The following ZNF195 variants were observed in gnomAD, a reference collection of about 807,000 sequenced individuals.
ZNF195 encodes hypoxia-regulated factor-1.
In ZNF195, 11 loss-of-function variants were observed where a neutral mutation model predicts 19.5. That is an observed-to-expected ratio of 0.57 (90% CI 0.36 to 0.94). ZNF195 has a LOEUF of 0.94. ZNF195 is among the 40% of genes least tolerant of loss of function. The pLI is 0.01. For missense variants in ZNF195, 582 were observed against 709.0 expected, an observed-to-expected ratio of 0.82 and a Z score of 2.03; for synonymous variants, 214 against 248.1, an observed-to-expected ratio of 0.86 and a Z score of 1.29.
intron 1 of ZNF195, chr11:3,373,561 C>T (rs1271469551): frequency 6.5e-7 from 1 of 1,544,242 alleles, no homozygotes; most frequent in Admixed American, 2.0e-5. Flanking sequence ...CAACCCCTGA[C>T]CTGAGATGCA....
At chr11:3,373,769 TC>T (rs879840272) in intron 1 of ZNF195, 16 of 766,022 alleles carry the variant, frequency 2.1e-5, no homozygotes, top group Non-Finnish European at 3.3e-5. Context: ...GCTTTTCTGT[TC>T]TTTATAAAAG....
chr11:3,369,863 G>T (rs953208534), intron 3 of ZNF195, among the ~76,000 whole-genome samples: 9 of 152,240 alleles, frequency 5.9e-5, no homozygotes, highest in Admixed American at 5.9e-4. Flanking sequence ...GCCAACGGTA[G>T]ACATTAACTG....
intron 3 of ZNF195, 151 bp downstream of exon 3, chr11:3,370,824 G>C: frequency 1.6e-6 from 1 of 637,426 alleles, no homozygotes; most frequent in South Asian, 2.4e-5. Flanking sequence ...GACAGAAGAC[G>C]CTCCTAGGGT....
At chr11:3,376,693 G>T (rs908678841) in intron 1 of ZNF195, among the ~76,000 whole-genome samples, 1 of 152,198 alleles carries the variant, frequency 6.6e-6, no homozygotes, top group Non-Finnish European at 1.5e-5. Flanking sequence ...TTCAGACAAT[G>T]AACTTGTCAT....
chr11:3,365,109 A>G (rs1848809165), intron 3 of ZNF195, among the ~76,000 whole-genome samples: 1 of 152,218 alleles, frequency 6.6e-6, no homozygotes, highest in Non-Finnish European at 1.5e-5. Context: ...GTAACTGTTT[A>G]TCTGTCTATA....
chr11:3,376,505 T>A lies in ZNF195; in HGVS notation c.3+2533A>T, dbSNP rs1258596412. Among the ~76,000 whole-genome samples, 8 of 152,242 alleles carry A rather than the reference T, an allele frequency of 5.3e-5. No individual in the cohort carries two copies. In the South Asian group the frequency reaches 1.7e-3, roughly 32 times the overall value. On this transcript the variant is annotated intron_variant, in intron 1 of 5. Transcript: ENST00000399602. Reference sequence around the variant, plus strand: ...TGCAGACTCAGTATTAGCCTTAGCTTGGAATGACTGTTCTTGGGCTTCAAC... The same window carrying A: ...TGCAGACTCAGTATTAGCCTTAGCTAGGAATGACTGTTCTTGGGCTTCAAC...
chr11:3,361,902 CA>C lies in ZNF195; in HGVS notation c.227-14del. On this transcript the variant is annotated splice_polypyrimidine_tract_variant and intron_variant, in intron 3 of 5. Coordinates refer to ENST00000399602, the MANE Select transcript of ZNF195 (RefSeq NM_001130520.3). ...TGAAATCCCATCTCTACAGAAAATA[CA>C]AAAAAATTAGCTGTGTATGCTGTTG... The C allele has an allele frequency of 1.4e-5, 6 of 420,326 alleles. No homozygotes were observed. The highest frequency in any genetic ancestry group is 1.9e-5 in the Non-Finnish European group (4 of 212,692). 26.0% of individuals were successfully genotyped at this position (420,326 alleles called of 1,614,324 possible). A position where few individuals can be genotyped will look rare whatever the true frequency, so the allele number is the denominator to read the frequency against.
At chr11:3,366,263 C>CAAAAA (rs35338297) in intron 3 of ZNF195, among the ~76,000 whole-genome samples, 4 of 88,976 alleles carry the variant, frequency 4.5e-5, no homozygotes, top group East Asian at 3.5e-4. Flanking sequence ...GACTCCATCT[C>CAAAAA]AAAAAAAAAA....
intron 4 of ZNF195, 115 bp downstream of exon 4, chr11:3,361,628 A>G: frequency 1.6e-6 from 1 of 611,712 alleles, no homozygotes; most frequent in South Asian, 2.0e-5. Flanking sequence ...CACATCAACT[A>G]GTATAAACAA....
At chr11:3,371,147 T>G in intron 2 of ZNF195, 77 bp from the exon 3 acceptor site, 4 of 1,335,066 alleles carry the variant, frequency 3.0e-6, no homozygotes, top group Middle Eastern at 1.9e-4. Flanking sequence ...CTTAGTAGAG[T>G]GAACATTATA....
At position 3,360,539 on chromosome 11, in the gene ZNF195, G is replaced by T. The variant is rs900626180; in HGVS notation, c.469C>A (p.Leu157Ile). 6.4e-7 allele frequency: 1 copy of T among 1,574,510 alleles called. No homozygotes were observed. Among genetic ancestry groups the T allele is most frequent in the Non-Finnish European group, 8.6e-7 (1 of 1,167,312 alleles). ...LAMSSHFTQD[L>I]LPEQGIQDAF... ...TCTTGTATGCCCTGCTCTGGCAGAA[G>T]GTCTTGGGTAAAATGAGAAGACATA... The change falls in exon 6 of 6, where the codon CTT (leucine) becomes ATT (isoleucine). Residue 157 changes from leucine to isoleucine, a missense_variant. By Grantham distance (5) the Leu-to-Ile change is conservative. Coordinates refer to ENST00000399602, the MANE Select transcript of ZNF195 (RefSeq NM_001130520.3).
rs1283517203 is a variant in ZNF195, at chr11:3,359,711, T to C, written c.1297A>G (p.Thr433Ala). 6.2e-7 allele frequency: 1 copy of C among 1,614,174 alleles called. No individual in the cohort carries two copies. Among genetic ancestry groups the C allele is most frequent in the Non-Finnish European group, 8.5e-7 (1 of 1,179,960 alleles). The stretch of plus-strand genomic sequence containing the variant: ...TCACATTTGTATGGTTTCTCACCAG[T>C]GTGAATTCTCTTATGTTTAGTAAGG... The part of the protein sequence containing the change: ...SDLTKHKRIH[T>A]GEKPYKCDEC... Residue 433 changes from threonine (T) to alanine (A), a missense_variant, in exon 6 of 6, where the codon ACT becomes GCT. Transcript: ENST00000399602. The surrounding 1 kb of genome is among the most constrained non-coding windows in gnomAD (Gnocchi z 5.5).
intron 4 of ZNF195, among the ~76,000 whole-genome samples, chr11:3,361,529 A>C (rs142070590): frequency 6.6e-6 from 1 of 152,214 alleles, no homozygotes; most frequent in South Asian, 2.1e-4. Flanking sequence ...AGTATGAAAA[A>C]CAGACTGAGA....
intron 3 of ZNF195, chr11:3,362,130 A>G (rs1848665494): frequency 3.0e-6 from 1 of 337,630 alleles, no homozygotes; most frequent in Non-Finnish European, 6.1e-6. Context: ...AAAACTTCCA[A>G]GCAAGAATAA....
chr11:3,359,145 C>T lies in ZNF195; in HGVS notation c.1863G>A (p.Leu621=), dbSNP rs780019712. The T allele has an allele frequency of 3.1e-6, 5 of 1,588,576 alleles. No homozygotes were observed. In the South Asian group the frequency reaches 5.8e-5, roughly 18 times the overall value. ...CGKAFTQFSH[L]TVHESIHT is the part of the protein sequence containing the mutation. Reference sequence around the variant, plus strand: ...AAGTATGAATGCTTTCATGTACAGTCAGGTGTGAGAACTGGGTGAAGGCTT... The same window carrying T: ...AAGTATGAATGCTTTCATGTACAGTTAGGTGTGAGAACTGGGTGAAGGCTT... Residue 621 remains leucine, a synonymous_variant, in exon 6 of 6, where the codon CTG becomes CTA. Transcript: ENST00000399602. This position sits in a 1 kb window ranked among gnomAD's most constrained non-coding sequence, Gnocchi z 5.5.
At chr11:3,364,768 A>G (rs1359916960) in intron 3 of ZNF195, among the ~76,000 whole-genome samples, 3 of 152,250 alleles carry the variant, frequency 2.0e-5, no homozygotes, top group African/African-American at 7.2e-5. Flanking sequence ...TAACATATCT[A>G]CAAGAAACAC....
intron 1 of ZNF195, among the ~76,000 whole-genome samples, 157 bp from the exon 2 acceptor site, chr11:3,371,860 G>A (rs1849229821): frequency 6.6e-6 from 1 of 152,250 alleles, no homozygotes; most frequent in Non-Finnish European, 1.5e-5. Context: ...AGAATTGCCT[G>A]AGAGCCACAT....
At chr11:3,377,728 G>T in intron 1 of ZNF195, 2 of 1,091,152 alleles carry the variant, frequency 1.8e-6, no homozygotes, top group Non-Finnish European at 2.3e-6. Flanking sequence ...ATAACCCAGG[G>T]CCTGAAATTC....
rs1848476339 is a variant in ZNF195 at position 3,358,342 on chromosome 11, C to T, written c.*776G>A. ...AACAGAAGAGTATTATTCTAAACAC[C>T]TATCTCATAAATCACTTACAAGTAT... On this transcript the variant is annotated 3_prime_UTR_variant, in exon 6 of 6. Transcript: ENST00000399602. 6.6e-6 allele frequency: 1 copy of T among 152,110 alleles called. No individual in the cohort carries two copies. The highest frequency in any genetic ancestry group is 6.5e-5 in the Admixed American group (1 of 15,282). 9.4% of individuals were successfully genotyped at this position (152,110 alleles called of 1,614,324 possible).
Sources: gnomAD v4.1 joint callset for allele counts (sites outside exome capture counted in the v4.1 genomes callset) on GRCh38, gnomAD v4.1.1 for gene constraint, Gnocchi (gnomAD v3.1) non-coding constraint, MANE v1.5 for transcripts, NCBI Gene and HGNC (gene_info 2026-07-23, HGNC 2026-07-21) for gene names.